TMLHE: variants seen among roughly 807,000 people sequenced by gnomAD.
The protein encoded by TMLHE is trimethyllysine dioxygenase, mitochondrial.
A neutral mutation model predicts 25.7 loss-of-function variants in TMLHE; 18 were observed. That is an observed-to-expected ratio of 0.70 (90% CI 0.48 to 1.04). The LOEUF is 1.04. TMLHE is among the 50% of genes least tolerant of loss of function. The pLI, the probability that TMLHE is intolerant of heterozygous loss-of-function variation, is 0.00. For synonymous variants in TMLHE, 105 were observed against 97.0 expected, an observed-to-expected ratio of 1.08 and a Z score of -0.49; for missense variants, 236 against 259.0, an observed-to-expected ratio of 0.91 and a Z score of 0.61.
At chrX:155,584,274 C>T (rs1291425261) in intron 1 of TMLHE, among the ~76,000 whole-genome samples, 1 of 107,985 alleles carries the variant, frequency 9.3e-6, no homozygotes, top group Non-Finnish European at 1.9e-5. Flanking sequence ...AATTTCAGAA[C>T]TTGAAGACAG....
chrX:155,545,156 A>G lies in TMLHE; in HGVS notation c.121T>C (p.Trp41Arg). The G allele has an allele frequency of 8.3e-7, 1 of 1,210,216 alleles. No homozygotes were observed. Among genetic ancestry groups the G allele is most frequent in the Non-Finnish European group, 1.1e-6 (1 of 894,581 alleles). The change falls in exon 2 of 8, where the codon TGG becomes CGG. Residue 41 changes from tryptophan (W) to arginine (R), a missense_variant. Coordinates refer to ENST00000334398, the MANE Select transcript of TMLHE (RefSeq NM_018196.4). ...FKSLLPLAVH[W>R]HHTASKSLTC... is the part of the protein sequence containing the mutation. ...AGAGACTTGGAGGCTGTATGGTGCCAATGGACAGCTAAAGGAAGTAAGCTT... is the reference window on the plus strand; with the variant it reads ...AGAGACTTGGAGGCTGTATGGTGCCGATGGACAGCTAAAGGAAGTAAGCTT...
At position 155,565,598 on chromosome X, in the gene TMLHE, A is replaced by G. The variant is rs1159571011; in HGVS notation, c.-1-20321T>C. 4.8e-5 allele frequency among the ~76,000 whole-genome samples: 3 copies of G among 61,888 alleles called. 1 individual carries two copies. The highest frequency in any genetic ancestry group is 1.1e-4 in the African/African-American group (3 of 27,919). The allele number at this position is 61,888 out of a possible 115,157, so 53.7% of individuals were successfully genotyped here. On this transcript the variant is annotated intron_variant, in intron 1 of 7. Coordinates refer to ENST00000334398, the MANE Select transcript of TMLHE (RefSeq NM_018196.4). ...TAGCCCATCAAGACTTACAAATGGC[A>G]GTGAAAGTTCAGTTCCTCCAATCCA...
intron 1 of TMLHE, among the ~76,000 whole-genome samples, chrX:155,596,362 C>G (rs1389010424): frequency 9.0e-6 from 1 of 111,399 alleles, no homozygotes; most frequent in African/African-American, 3.3e-5. Flanking sequence ...TCCCTGGACA[C>G]CCAGAACCCC....
chrX:155,599,271 T>A (rs1439147577), intron 1 of TMLHE, among the ~76,000 whole-genome samples: 2 of 111,330 alleles, frequency 1.8e-5, no homozygotes, highest in African/African-American at 6.5e-5. Context: ...TGAGAACAAA[T>A]AAAGAGAAAA....
intron 2 of TMLHE, among the ~76,000 whole-genome samples, chrX:155,525,417 A>T (rs2067213710): frequency 8.9e-6 from 1 of 112,222 alleles, no homozygotes; most frequent in African/African-American, 3.2e-5. Context: ...CAGAACTGTG[A>T]GTCAATTAAA....
intron 3 of TMLHE, among the ~76,000 whole-genome samples, chrX:155,522,148 A>G (rs2067191672): frequency 8.9e-6 from 1 of 112,706 alleles, no homozygotes; most frequent in Non-Finnish European, 1.9e-5. Flanking sequence ...CTGTTTTTAA[A>G]TAAACCTTTC....
chrX:155,604,490 C>G (rs2067775788), intron 1 of TMLHE, among the ~76,000 whole-genome samples: 1 of 111,478 alleles, frequency 9.0e-6, no homozygotes, highest in African/African-American at 3.3e-5. Context: ...GGAGTGGAGA[C>G]CCAAAAGACA....
At chrX:155,506,872 G>T (rs782542923) in intron 6 of TMLHE, 26 bp downstream of exon 6, 55 of 1,159,740 alleles carry the variant, frequency 4.7e-5, no homozygotes, top group Admixed American at 2.2e-5. Flanking sequence ...ATATATTACA[G>T]TTGGGGATAG....
chrX:155,600,285 T>C (rs1206271024), intron 1 of TMLHE, among the ~76,000 whole-genome samples: 1 of 112,002 alleles, frequency 8.9e-6, no homozygotes, highest in African/African-American at 3.2e-5. Context: ...TTTGGCTACT[T>C]CAGGTAGTCA....
chrX:155,549,861 G>A (rs1403218924), intron 1 of TMLHE, among the ~76,000 whole-genome samples: 1 of 109,821 alleles, frequency 9.1e-6, no homozygotes, highest in Non-Finnish European at 1.9e-5. Flanking sequence ...TTCTCCTAAT[G>A]CTATCCCTCC....
intron 1 of TMLHE, among the ~76,000 whole-genome samples, chrX:155,548,535 G>GTCGGGAGTTCAAAA (rs1491301815): frequency 9.2e-6 from 1 of 109,143 alleles, no homozygotes; most frequent in South Asian, 3.9e-4. Flanking sequence ...GCAGTATGAG[G>GTCGGGAGTTCAAAA]CCAGCCTGAC....
At chrX:155,550,017 T>C (rs2067403892) in intron 1 of TMLHE, among the ~76,000 whole-genome samples, 1 of 110,437 alleles carries the variant, frequency 9.1e-6, no homozygotes, top group Non-Finnish European at 1.9e-5. Context: ...GAATGATGGT[T>C]TCCAGCTACA....
chrX:155,581,862 C>G (rs2067630859), intron 1 of TMLHE, among the ~76,000 whole-genome samples: 1 of 111,858 alleles, frequency 8.9e-6, no homozygotes. Flanking sequence ...GCCTGCATTG[C>G]CAATACAATC....
chrX:155,612,296 T>G (rs1425084708), intron 1 of TMLHE: 1 of 111,306 alleles, frequency 9.0e-6, no homozygotes, highest in Admixed American at 9.5e-5. Context: ...GCAGAGAACA[T>G]TAGTGGATAT....
intron 2 of TMLHE, among the ~76,000 whole-genome samples, chrX:155,535,783 A>C (rs1330620325): frequency 4.5e-5 from 5 of 111,894 alleles, no homozygotes; most frequent in Admixed American, 2.8e-4. Flanking sequence ...CTTTCCAATG[A>C]AATTTAGCTT....
chrX:155,592,463 A>C (rs1381123681), intron 1 of TMLHE, among the ~76,000 whole-genome samples: 1 of 111,981 alleles, frequency 8.9e-6, no homozygotes, highest in Non-Finnish European at 1.9e-5. Flanking sequence ...AAAACCCATT[A>C]GAAGGATAAG....
intron 6 of TMLHE, among the ~76,000 whole-genome samples, chrX:155,504,574 T>G (rs1171041199): frequency 9.0e-6 from 1 of 110,892 alleles, no homozygotes; most frequent in Non-Finnish European, 1.9e-5. Context: ...AATTCATACA[T>G]TGTTGATGAC....
intron 2 of TMLHE, among the ~76,000 whole-genome samples, chrX:155,528,792 A>G (rs1362882294): frequency 9.0e-6 from 1 of 111,637 alleles, no homozygotes; most frequent in Non-Finnish European, 1.9e-5. Context: ...TGATGAACAT[A>G]CACAAACAGG....
intron 1 of TMLHE, among the ~76,000 whole-genome samples, chrX:155,600,980 A>C (rs1308527589): frequency 5.4e-5 from 6 of 111,715 alleles, no homozygotes; most frequent in African/African-American, 1.6e-4. Flanking sequence ...TAACAACAAC[A>C]ACCAAAAAAA....
Sources: gnomAD v4.1 joint callset for allele counts (sites outside exome capture counted in the v4.1 genomes callset) on GRCh38, gnomAD v4.1.1 for gene constraint, MANE v1.5 for transcripts, NCBI Gene and HGNC (gene_info 2026-07-23, HGNC 2026-07-21) for gene names.